The following POFUT3 variants were observed in gnomAD, a reference collection of about 807,000 sequenced individuals.
POFUT3 encodes protein O-fucosyltransferase 3.
chr8:33,437,786 G>A, the POFUT3 span, among the ~76,000 whole-genome samples: 2 of 152,060 alleles, frequency 1.3e-5, no homozygotes, highest in Non-Finnish European at 2.9e-5. Context: ...CTCCAGCCTA[G>A]GTGACAGAGT....
At chr8:33,332,182 GA>G in the POFUT3 span, among the ~76,000 whole-genome samples, 858 of 99,936 alleles carry the variant, frequency 8.6e-3, 6 homozygotes, top group Middle Eastern at 0.023. Context: ...GGAGGAGGAG[GA>G]AAAAAAAAAA....
the POFUT3 span, among the ~76,000 whole-genome samples, chr8:33,326,472 C>T: frequency 4.9e-3 from 752 of 152,188 alleles, 8 homozygotes; most frequent in African/African-American, 0.017. Flanking sequence ...TTTAATTGAA[C>T]AAATATTTGT....
chr8:33,328,204 C>A, the POFUT3 span, among the ~76,000 whole-genome samples: 4 of 152,128 alleles, frequency 2.6e-5, no homozygotes, highest in Admixed American at 2.0e-4. Flanking sequence ...AGGGGTGACT[C>A]CTACAGTGTC....
chr8:33,373,535 C>A, the POFUT3 span, among the ~76,000 whole-genome samples: 1 of 152,190 alleles, frequency 6.6e-6, no homozygotes, highest in Non-Finnish European at 1.5e-5. Flanking sequence ...TCCTAACTAA[C>A]CCCTTGATTC....
chr8:33,340,140 T>G, the POFUT3 span, among the ~76,000 whole-genome samples: 1 of 152,098 alleles, frequency 6.6e-6, no homozygotes, highest in Admixed American at 6.6e-5. Context: ...TATATCTCAC[T>G]CAAGCTGGTA....
At chr8:33,328,279 C>T in the POFUT3 span, among the ~76,000 whole-genome samples, 1 of 151,888 alleles carries the variant, frequency 6.6e-6, no homozygotes, top group Admixed American at 6.6e-5. Context: ...GTCATGTCCA[C>T]ATTTAATTCC....
At chr8:33,309,014 C>G in the POFUT3 span, among the ~76,000 whole-genome samples, 8 of 150,296 alleles carry the variant, frequency 5.3e-5, no homozygotes, top group African/African-American at 2.0e-4. Flanking sequence ...GACTCTGGAG[C>G]CCAGGCTGTT....
the POFUT3 span, among the ~76,000 whole-genome samples, chr8:33,413,319 C>T: frequency 6.6e-6 from 1 of 152,072 alleles, no homozygotes; most frequent in Non-Finnish European, 1.5e-5. Flanking sequence ...GAGGAAGAGA[C>T]TAGAGCTCTC....
At chr8:33,388,027 GCAAA>G in the POFUT3 span, among the ~76,000 whole-genome samples, 2 of 152,064 alleles carry the variant, frequency 1.3e-5, no homozygotes, top group East Asian at 1.9e-4. Context: ...AATAAAGTAA[GCAAA>G]CAAACACCAA....
the POFUT3 span, among the ~76,000 whole-genome samples, chr8:33,330,707 G>A: frequency 6.6e-6 from 1 of 152,130 alleles, no homozygotes; most frequent in South Asian, 2.1e-4. Flanking sequence ...AAATGTAATT[G>A]TAGTTCATAT....
At chr8:33,354,920 G>T in the POFUT3 span, among the ~76,000 whole-genome samples, 1 of 152,118 alleles carries the variant, frequency 6.6e-6, no homozygotes, top group African/African-American at 2.4e-5. Flanking sequence ...CTATAATCAT[G>T]GTTTACCATA....
chr8:33,450,141 A>G, the POFUT3 span, among the ~76,000 whole-genome samples: 8 of 152,064 alleles, frequency 5.3e-5, no homozygotes, highest in African/African-American at 1.9e-4. Context: ...GGGTTTCACC[A>G]TGTTGGCCAG....
At chr8:33,424,500 C>T in the POFUT3 span, among the ~76,000 whole-genome samples, 1 of 152,180 alleles carries the variant, frequency 6.6e-6, no homozygotes, top group African/African-American at 2.4e-5. Flanking sequence ...TATACCACAT[C>T]TGTCTGCATC....
At chr8:33,435,140 T>A in the POFUT3 span, among the ~76,000 whole-genome samples, 1 of 152,230 alleles carries the variant, frequency 6.6e-6, no homozygotes, top group African/African-American at 2.4e-5. Context: ...CTGGTGAAAC[T>A]GCCATCTACA....
chr8:33,415,810 G>A, the POFUT3 span, among the ~76,000 whole-genome samples: 4 of 152,086 alleles, frequency 2.6e-5, no homozygotes, highest in East Asian at 1.9e-4. Flanking sequence ...GAAATGACCC[G>A]CATTAACTGT....
chr8:33,423,773 T>C, the POFUT3 span, among the ~76,000 whole-genome samples: 1 of 131,402 alleles, frequency 7.6e-6, no homozygotes, highest in African/African-American at 2.9e-5. Context: ...TCTACCAATA[T>C]GGTCCATAAC....
the POFUT3 span, chr8:33,389,561 T>C: frequency 1.2e-6 from 2 of 1,614,112 alleles, no homozygotes; most frequent in Non-Finnish European, 1.7e-6. Flanking sequence ...TCTAAGCTTG[T>C]TTTTGGACTG....
the POFUT3 span, chr8:33,372,189 C>A: frequency 3.3e-4 from 330 of 996,542 alleles, no homozygotes; most frequent in African/African-American, 5.3e-3. Flanking sequence ...TGCAGGATAC[C>A]AGGTTTGCCA....
chr8:33,380,572 C>T, the POFUT3 span, among the ~76,000 whole-genome samples: 1 of 152,008 alleles, frequency 6.6e-6, no homozygotes, highest in Non-Finnish European at 1.5e-5. Flanking sequence ...TACAGTGGCT[C>T]ATGCCTATAA....
Sources: gnomAD v4.1 joint callset for allele counts (sites outside exome capture counted in the v4.1 genomes callset) on GRCh38, gnomAD v4.1.1 for gene constraint, MANE v1.5 for transcripts, NCBI Gene and HGNC (gene_info 2026-07-23, HGNC 2026-07-21) for gene names.